The following AKT3 variants were observed in gnomAD, a reference collection of about 807,000 sequenced individuals.
The protein encoded by AKT3 is RAC-gamma serine/threonine-protein kinase.
AKT3 carries 15 observed loss-of-function variants against 65.3 expected under a neutral mutation model. The observed-to-expected ratio is 0.23, with a 90% confidence interval of 0.15 to 0.35. The LOEUF is 0.35. Ranked by LOEUF, AKT3 falls within the 10% of genes least tolerant of loss-of-function variation. The pLI is 1.00. For synonymous variants in AKT3, 206 were observed against 183.8 expected (o/e 1.12, Z -0.98); for missense variants, 243 against 576.5 (o/e 0.42, Z 5.92).
intron 6 of AKT3, chr1:243,625,046 G>A: frequency 2.8e-6 from 1 of 352,014 alleles, no homozygotes; most frequent in Non-Finnish European, 5.9e-6. Flanking sequence ...ATTACAGAAA[G>A]CCTCCTCCAC....
At chr1:243,830,163 T>G (rs779831477) in intron 2 of AKT3, among the ~76,000 whole-genome samples, 15 of 152,218 alleles carry the variant, frequency 9.9e-5, no homozygotes, top group Admixed American at 2.0e-4. Context: ...CATTATTCCC[T>G]AAACAGGACA....
chr1:243,688,663 C>G (rs1343204153), intron 3 of AKT3, among the ~76,000 whole-genome samples: 1 of 152,118 alleles, frequency 6.6e-6, no homozygotes, highest in African/African-American at 2.4e-5. Context: ...CTGACTGACT[C>G]GCAGCCTGTT....
intron 12 of AKT3, among the ~76,000 whole-genome samples, chr1:243,519,969 T>G (rs1007141582): frequency 7.9e-5 from 12 of 152,182 alleles, no homozygotes; most frequent in Non-Finnish European, 1.6e-4. Flanking sequence ...TATTTTCTGT[T>G]TTTATCTTTT....
intron 2 of AKT3, among the ~76,000 whole-genome samples, chr1:243,825,203 G>A (rs935064152): frequency 6.6e-6 from 1 of 152,160 alleles, no homozygotes; most frequent in African/African-American, 2.4e-5. Flanking sequence ...GCTGAACAAT[G>A]AGAACACATG....
At chr1:243,565,408 A>T (rs1316323769) in intron 9 of AKT3, among the ~76,000 whole-genome samples, 1 of 152,064 alleles carries the variant, frequency 6.6e-6, no homozygotes, top group African/African-American at 2.4e-5. Context: ...ATTTTTTTAT[A>T]GTGACAAGGT....
intron 2 of AKT3, among the ~76,000 whole-genome samples, chr1:243,753,894 A>T (rs1572281927): frequency 6.6e-6 from 1 of 152,234 alleles, no homozygotes; most frequent in African/African-American, 2.4e-5. Flanking sequence ...AAGATGGAGA[A>T]GTAACAATGA....
intron 2 of AKT3, among the ~76,000 whole-genome samples, chr1:243,754,869 A>G (rs1689028839): frequency 1.3e-5 from 2 of 152,168 alleles, no homozygotes; most frequent in African/African-American, 4.8e-5. Flanking sequence ...GGATGCTGCT[A>G]ATCATCTTAT....
intron 3 of AKT3, among the ~76,000 whole-genome samples, chr1:243,673,520 A>G (rs1683292237): frequency 6.6e-6 from 1 of 151,838 alleles, no homozygotes; most frequent in Non-Finnish European, 1.5e-5. Flanking sequence ...TATAGTCATA[A>G]TGCATGAAAC....
intron 6 of AKT3, among the ~76,000 whole-genome samples, chr1:243,635,576 T>C (rs1411593656): frequency 6.6e-6 from 1 of 151,896 alleles, no homozygotes; most frequent in Non-Finnish European, 1.5e-5. Context: ...AACACAACAG[T>C]AATAATTATT....
chr1:243,822,707 T>TA (rs1331343899), intron 2 of AKT3, among the ~76,000 whole-genome samples: 1 of 152,034 alleles, frequency 6.6e-6, no homozygotes, highest in Non-Finnish European at 1.5e-5. Flanking sequence ...CCTGGACACA[T>TA]ACACCCTCCC....
Position 243,503,834 on chromosome 1 carries a change from T to C in AKT3, c.*1415A>G, listed in dbSNP as rs2148342430. The C allele has an allele frequency of 4.3e-6, 1 of 230,472 alleles. No homozygotes were observed. 14.3% of individuals were successfully genotyped at this position (230,472 alleles called of 1,614,324 possible). ...TTCCTAAATACTCAAGATGTGTTCA[T>C]TTTGCCACGTAAAGATCATTTCTTA... On this transcript the variant is annotated 3_prime_UTR_variant, in exon 14 of 14. Coordinates refer to ENST00000673466, the MANE Select transcript of AKT3 (RefSeq NM_005465.7).
chr1:243,671,504 C>T (rs1459271154), intron 3 of AKT3, among the ~76,000 whole-genome samples: 1 of 152,032 alleles, frequency 6.6e-6, no homozygotes, highest in Non-Finnish European at 1.5e-5. Flanking sequence ...CTGAAGGGGA[C>T]AAAAAGCATT....
At chr1:243,815,082 T>G (rs1198392111) in intron 2 of AKT3, among the ~76,000 whole-genome samples, 4 of 152,216 alleles carry the variant, frequency 2.6e-5, no homozygotes, top group African/African-American at 9.6e-5. Flanking sequence ...GGTCCTAGAT[T>G]GGATCTTTTC....
intron 3 of AKT3, among the ~76,000 whole-genome samples, chr1:243,673,539 A>G (rs190212929): frequency 6.6e-6 from 1 of 152,146 alleles, no homozygotes; most frequent in East Asian, 1.9e-4. Flanking sequence ...ACAGAAGTAA[A>G]TTACTCAGAT....
At chr1:243,537,295 T>C (rs548254444) in intron 12 of AKT3, among the ~76,000 whole-genome samples, 1 of 152,188 alleles carries the variant, frequency 6.6e-6, no homozygotes, top group African/African-American at 2.4e-5. Flanking sequence ...TCCTTAATCA[T>C]TTCCACAGCT....
At chr1:243,761,480 A>G (rs1446073319) in intron 2 of AKT3, among the ~76,000 whole-genome samples, 1 of 152,200 alleles carries the variant, frequency 6.6e-6, no homozygotes, top group African/African-American at 2.4e-5. Flanking sequence ...AATAAAAACT[A>G]AAAGACCATC....
intron 2 of AKT3, among the ~76,000 whole-genome samples, chr1:243,812,407 G>C (rs377584078): frequency 4.5e-4 from 68 of 152,234 alleles, no homozygotes; most frequent in Middle Eastern, 3.4e-3. Flanking sequence ...ATGCAGCCAA[G>C]AGACACATGA....
rs74151206 is a variant in AKT3, at chr1:243,727,991, G to A, written c.47-32275C>T. Among the ~76,000 whole-genome samples the A allele has an allele frequency of 4.0e-3, 609 of 152,298 alleles. 5 individuals are homozygous for A. The highest frequency in any genetic ancestry group is 0.014 in the African/African-American group (582 of 41,540). ...AAAGCCATTTTAAGAGCTTGAAGTAGTATGTTGTAGTCCTATGACATTAAT... is the reference window on the plus strand; with the variant it reads ...AAAGCCATTTTAAGAGCTTGAAGTAATATGTTGTAGTCCTATGACATTAAT... On this transcript the variant is annotated intron_variant, in intron 2 of 13. Transcript: ENST00000673466.
At chr1:243,744,922 G>T (rs1445051848) in intron 2 of AKT3, among the ~76,000 whole-genome samples, 1 of 151,404 alleles carries the variant, frequency 6.6e-6, no homozygotes, top group Non-Finnish European at 1.5e-5. Context: ...ATGAGTCCTT[G>T]GCTCATTAAA....
Sources: allele counts gnomAD v4.1 joint callset (sites outside exome capture counted in the v4.1 genomes callset), GRCh38; gene constraint gnomAD v4.1.1; transcripts MANE v1.5; gene names NCBI Gene and HGNC (gene_info 2026-07-23, HGNC 2026-07-21).